Variants in EFCAB6 observed in about 807,000 individuals in gnomAD.
The protein encoded by EFCAB6 is EF-hand calcium-binding domain-containing protein 6.
Under a neutral mutation model 169.8 loss-of-function variants are expected in EFCAB6, and 156 were observed. That is an observed-to-expected ratio of 0.92 (90% CI 0.81 to 1.05). EFCAB6 has a LOEUF of 1.05. Ranked by LOEUF, EFCAB6 falls within the 50% of genes least tolerant of loss-of-function variation. EFCAB6 has a pLI of 0.00. For synonymous variants in EFCAB6, 698 were observed against 676.4 expected, an observed-to-expected ratio of 1.03 and a Z score of -0.50; for missense variants, 1,800 against 1,829.1, an observed-to-expected ratio of 0.98 and a Z score of 0.29.
intron 26 of EFCAB6, among the ~76,000 whole-genome samples, chr22:43,561,356 C>CAAAAAAA (rs768942774): frequency 1.3e-4 from 15 of 112,148 alleles, no homozygotes; most frequent in East Asian, 5.1e-4. Flanking sequence ...GACTCTGTCT[C>CAAAAAAA]AAAAAAAAAA....
intron 26 of EFCAB6, among the ~76,000 whole-genome samples, chr22:43,569,683 G>A (rs940260095): frequency 2.0e-5 from 3 of 152,232 alleles, no homozygotes; most frequent in Admixed American, 1.3e-4. Context: ...GCCCCCCTGA[G>A]AGTCCAAGTC....
chr22:43,711,725 C>G (rs922143263), intron 9 of EFCAB6, 102 bp from the exon 10 acceptor site: 13 of 1,391,368 alleles, frequency 9.3e-6, no homozygotes, highest in Non-Finnish European at 1.2e-5. Context: ...ATTTTTCTCT[C>G]CAAAAACTGA....
chr22:43,600,648 G>GT (rs34244832), intron 22 of EFCAB6, among the ~76,000 whole-genome samples: 43 of 150,890 alleles, frequency 2.8e-4, no homozygotes, highest in South Asian at 6.3e-4. Flanking sequence ...GTTTAGCAGG[G>GT]TTTTTTTTTT....
intron 12 of EFCAB6, among the ~76,000 whole-genome samples, chr22:43,683,061 A>G (rs2058065845): frequency 6.6e-6 from 1 of 152,158 alleles, no homozygotes; most frequent in African/African-American, 2.4e-5. Context: ...TGCTGAGCTA[A>G]GGGACACCTT....
At chr22:43,590,592 C>T (rs1264974487) in intron 23 of EFCAB6, among the ~76,000 whole-genome samples, 5 of 152,108 alleles carry the variant, frequency 3.3e-5, no homozygotes, top group African/African-American at 9.7e-5. Flanking sequence ...TAGTTGAGTA[C>T]CTATGACATG....
intron 22 of EFCAB6, among the ~76,000 whole-genome samples, chr22:43,606,640 C>T (rs1022653319): frequency 3.3e-5 from 5 of 152,218 alleles, no homozygotes; most frequent in African/African-American, 1.2e-4. Context: ...GTCATGCCCA[C>T]GCATCTGGCT....
intron 26 of EFCAB6, among the ~76,000 whole-genome samples, chr22:43,559,673 T>G (rs1453393512): frequency 6.6e-6 from 1 of 152,218 alleles, no homozygotes; most frequent in Non-Finnish European, 1.5e-5. Flanking sequence ...CACGGAATAC[T>G]ATGCAGCCAT....
chr22:43,589,179 G>T (rs932897606), intron 24 of EFCAB6, among the ~76,000 whole-genome samples: 5 of 150,948 alleles, frequency 3.3e-5, no homozygotes, highest in African/African-American at 1.2e-4. Flanking sequence ...TACTTTGGGA[G>T]GCCGAGGTGG....
At chr22:43,627,167 G>A (rs921300274) in intron 19 of EFCAB6, among the ~76,000 whole-genome samples, 6 of 152,296 alleles carry the variant, frequency 3.9e-5, no homozygotes, top group African/African-American at 7.2e-5. Flanking sequence ...GAGATCAGCC[G>A]TGTCTGGGAT....
At chr22:43,726,889 C>A (rs1285835127) in intron 8 of EFCAB6, among the ~76,000 whole-genome samples, 1 of 152,124 alleles carries the variant, frequency 6.6e-6, no homozygotes, top group African/African-American at 2.4e-5. Context: ...AACAAAATAA[C>A]AATTCTTCAG....
chr22:43,674,254 T>G (rs2057624066), intron 13 of EFCAB6, among the ~76,000 whole-genome samples: 1 of 152,248 alleles, frequency 6.6e-6, no homozygotes, highest in South Asian at 2.1e-4. Flanking sequence ...TTTTCTAATT[T>G]TTCCAATTCC....
At chr22:43,619,758 AAAGGTCT>A (rs1258275893) in intron 20 of EFCAB6, among the ~76,000 whole-genome samples, 1 of 152,200 alleles carries the variant, frequency 6.6e-6, no homozygotes, top group Admixed American at 6.5e-5. Flanking sequence ...TACAAAACCA[AAAGGTCT>A]AAGCTTCATG....
intron 8 of EFCAB6, 94 bp downstream of exon 8, chr22:43,731,605 T>C: frequency 3.0e-6 from 2 of 659,300 alleles, no homozygotes; most frequent in Non-Finnish European, 2.4e-6. Flanking sequence ...ATTTCCTATA[T>C]TTGAAAGTAT....
intron 30 of EFCAB6, among the ~76,000 whole-genome samples, chr22:43,532,429 G>T (rs529002416): frequency 7.2e-5 from 11 of 152,380 alleles, no homozygotes; most frequent in African/African-American, 2.6e-4. Context: ...GAGAAACTGA[G>T]GCCCAGGGAG....
At chr22:43,606,633 A>T (rs1371237998) in intron 22 of EFCAB6, among the ~76,000 whole-genome samples, 1 of 152,250 alleles carries the variant, frequency 6.6e-6, no homozygotes, top group Non-Finnish European at 1.5e-5. Context: ...GGCAGGAGTC[A>T]TGCCCACGCA....
At chr22:43,559,969 T>A (rs1334743935) in intron 26 of EFCAB6, among the ~76,000 whole-genome samples, 2 of 152,210 alleles carry the variant, frequency 1.3e-5, no homozygotes, top group Non-Finnish European at 2.9e-5. Context: ...CCATGGCACA[T>A]GTATACCTAT....
intron 8 of EFCAB6, among the ~76,000 whole-genome samples, chr22:43,730,463 A>G (rs1368376443): frequency 6.6e-6 from 1 of 151,622 alleles, no homozygotes; most frequent in Non-Finnish European, 1.5e-5. Flanking sequence ...TGTGGACATT[A>G]TATCCAAGAT....
chr22:43,751,541 T>C (rs1318764321), intron 6 of EFCAB6, among the ~76,000 whole-genome samples: 1 of 152,194 alleles, frequency 6.6e-6, no homozygotes, highest in African/African-American at 2.4e-5. Context: ...AGGATGGAGC[T>C]GGGACCCCAC....
intron 19 of EFCAB6, 93 bp from the exon 20 acceptor site, chr22:43,626,772 G>T (rs891446650): frequency 8.4e-7 from 1 of 1,184,824 alleles, no homozygotes; most frequent in Non-Finnish European, 1.2e-6. Context: ...ATCTCCACGC[G>T]AGGAGGGGCA....
Sources: gnomAD v4.1 joint callset for allele counts (sites outside exome capture counted in the v4.1 genomes callset) on GRCh38, gnomAD v4.1.1 for gene constraint, MANE v1.5 for transcripts, NCBI Gene and HGNC (gene_info 2026-07-23, HGNC 2026-07-21) for gene names.